DNMT3A: variants seen among roughly 807,000 people sequenced by gnomAD.
The protein encoded by DNMT3A is DNA methyltransferase 3 alpha, also known as DNA (cytosine-5)-methyltransferase 3A.
Under a neutral mutation model 117.6 loss-of-function variants are expected in DNMT3A, and 267 were observed. That is an observed-to-expected ratio of 2.27 (90% CI 2.05 to 2.51). DNMT3A has a LOEUF of 2.51. DNMT3A is among the 30% of genes most tolerant of loss of function. The pLI, the probability that DNMT3A is intolerant of heterozygous loss-of-function variation, is 0.00. For missense variants in DNMT3A, 1,029 were observed against 1,260.2 expected, an observed-to-expected ratio of 0.82 and a Z score of 2.78; for synonymous variants, 432 against 474.8, an observed-to-expected ratio of 0.91 and a Z score of 1.17.
At chr2:25,292,565 C>T (rs186264951) in intron 3 of DNMT3A, among the ~76,000 whole-genome samples, 1 of 152,202 alleles carries the variant, frequency 6.6e-6, no homozygotes, top group African/African-American at 2.4e-5. Flanking sequence ...TCCCTCTGCC[C>T]CCCAGCTGTG....
At chr2:25,244,499 G>A (rs777613928) in intron 14 of DNMT3A, 41 bp downstream of exon 14, 9 of 1,607,480 alleles carry the variant, frequency 5.6e-6, no homozygotes, top group Admixed American at 5.0e-5. Context: ...GGGAGCCTGG[G>A]GCCCAGCTAA....
intron 6 of DNMT3A, among the ~76,000 whole-genome samples, chr2:25,269,261 A>T (rs1345703004): frequency 6.6e-6 from 1 of 152,186 alleles, no homozygotes; most frequent in Non-Finnish European, 1.5e-5. Flanking sequence ...TGGGAGGTGG[A>T]GGTTGCAGTG....
intron 1 of DNMT3A, among the ~76,000 whole-genome samples, chr2:25,332,288 T>G (rs1320281712): frequency 6.6e-6 from 1 of 152,168 alleles, no homozygotes; most frequent in Non-Finnish European, 1.5e-5. Context: ...GAAAGTGCCG[T>G]CGTCCACCTA....
chr2:25,244,632 C>CG lies in DNMT3A; in HGVS notation c.1574dup (p.Tyr526ValfsTer20). 6.2e-7 allele frequency: 1 copy of CG among 1,614,148 alleles called. No homozygotes were observed. ...GGTAGCCGTCGTCGTCGTACTGGTA[C>CG]GCACACTCCAGAAAGCAGTTCTAGA... is the stretch of plus-strand genomic sequence containing the variant. On this transcript the variant is annotated frameshift_variant, in exon 14 of 23. Transcript: ENST00000321117. LOFTEE classifies it high-confidence loss of function.
At position 25,311,388 on chromosome 2, in the gene DNMT3A, C is replaced by T. The variant is rs568004088; in HGVS notation, c.72+2525G>A. Reference sequence around the variant, plus strand: ...GTGGCTGTCAGTGTCTCTCCCCACCCTCCCTGGGCGGCTCCCTGGAGGTGC... The same window carrying T: ...GTGGCTGTCAGTGTCTCTCCCCACCTTCCCTGGGCGGCTCCCTGGAGGTGC... On this transcript the variant is annotated intron_variant, in intron 2 of 22. Transcript: ENST00000321117. The surrounding 1 kb of genome is among the most constrained non-coding windows in gnomAD (Gnocchi z 5.2). Among the ~76,000 whole-genome samples, 13 of 152,334 alleles carry T rather than the reference C, an allele frequency of 8.5e-5. No individual in the cohort carries two copies. The highest frequency in any genetic ancestry group is 6.8e-3 in the Middle Eastern group (2 of 294).
At chr2:25,276,913 C>T (rs1278264451) in intron 4 of DNMT3A, among the ~76,000 whole-genome samples, 1 of 152,252 alleles carries the variant, frequency 6.6e-6, no homozygotes, top group Non-Finnish European at 1.5e-5. Context: ...GTCCTCAGCC[C>T]GGGAGGCCAC....
chr2:25,314,196 C>A, intron 1 of DNMT3A, 35 bp from the exon 2 acceptor site: 1 of 1,407,498 alleles, frequency 7.1e-7, no homozygotes, highest in East Asian at 2.7e-5. Context: ...TGGGGCGGAG[C>A]ACCCCACCCT....
chr2:25,272,655 G>A (rs966949439), intron 6 of DNMT3A, among the ~76,000 whole-genome samples: 35 of 152,134 alleles, frequency 2.3e-4, no homozygotes, highest in African/African-American at 6.8e-4. Flanking sequence ...AACATTCCAC[G>A]CACAGGGGTA....
At chr2:25,314,295 G>T in intron 1 of DNMT3A, 134 bp from the exon 2 acceptor site, 1 of 1,204,958 alleles carries the variant, frequency 8.3e-7, no homozygotes, top group Non-Finnish European at 1.0e-6. Flanking sequence ...GCACCCCAGA[G>T]AGCAGAGAAA....
At chr2:25,328,991 C>A (rs966217541) in intron 1 of DNMT3A, among the ~76,000 whole-genome samples, 1 of 152,206 alleles carries the variant, frequency 6.6e-6, no homozygotes. Context: ...CCAGCTCCCT[C>A]TTGGGTCAAA....
intron 6 of DNMT3A, chr2:25,249,813 G>A (rs1675293163): frequency 6.9e-7 from 1 of 1,456,316 alleles, no homozygotes. Flanking sequence ...CTGACTTCAA[G>A]GCTTTGCACC....
intron 2 of DNMT3A, among the ~76,000 whole-genome samples, chr2:25,302,025 G>A (rs1339358865): frequency 6.6e-6 from 1 of 152,158 alleles, no homozygotes; most frequent in Non-Finnish European, 1.5e-5. Context: ...AGCATCCCTG[G>A]CCCCTCCATC....
rs186722501 is a variant in DNMT3A, at chr2:25,298,366, C to T, written c.177+1773G>A. 6.6e-6 allele frequency among the ~76,000 whole-genome samples: 1 copy of T among 152,302 alleles called. No individual in the cohort carries two copies. The highest frequency in any genetic ancestry group is 1.5e-5 in the Non-Finnish European group (1 of 68,030). On this transcript the variant is annotated intron_variant, in intron 3 of 22. Transcript: ENST00000321117. This position sits in a 1 kb window ranked among gnomAD's most constrained non-coding sequence, Gnocchi z 4.3. ...CACTCCTGTCCCTGACTTCCTTGTA[C>T]CTTTTCACCCGAGTGCTTCACTCCA...
Position 25,326,812 on chromosome 2 carries a change from G to C in DNMT3A, c.-177-12651C>G, listed in dbSNP as rs114036430. Among the ~76,000 whole-genome samples, 1,368 of 152,310 alleles carry C rather than the reference G, an allele frequency of 9.0e-3. 27 individuals are homozygous for C. The highest frequency in any genetic ancestry group is 0.031 in the African/African-American group (1,300 of 41,570). On this transcript the variant is annotated intron_variant, in intron 1 of 22. Transcript: ENST00000321117. Reference sequence around the variant, plus strand: ...AGGAGTGCCAGGCTGTTGCAATGCAGACAGCTTCTCCAGCACCTGGCTCCA... The same window carrying C: ...AGGAGTGCCAGGCTGTTGCAATGCACACAGCTTCTCCAGCACCTGGCTCCA...
rs1414023141 is a variant in DNMT3A, at chr2:25,234,524, G to A, written c.2598-104C>T. The A allele has an allele frequency of 8.1e-6, 11 of 1,354,708 alleles. No individual in the cohort carries two copies. The highest frequency in any genetic ancestry group is 1.1e-5 in the Non-Finnish European group (11 of 1,008,914). 83.9% of individuals were successfully genotyped at this position (1,354,708 alleles called of 1,614,324 possible). A position where few individuals can be genotyped will look rare whatever the true frequency, so the allele number is the denominator to read the frequency against. ...GGACCCGGAGGACCAGCAGCCACCC[G>A]AAGTGCAGGGACAGGGGCACTCACA... On this transcript the variant is annotated intron_variant, in intron 22 of 22. Coordinates refer to ENST00000321117, the MANE Select transcript of DNMT3A (RefSeq NM_022552.5). This position sits in a 1 kb window ranked among gnomAD's most constrained non-coding sequence, Gnocchi z 4.5.
intron 2 of DNMT3A, among the ~76,000 whole-genome samples, chr2:25,313,540 TGAGA>T (rs1469530504): frequency 3.9e-5 from 6 of 152,092 alleles, no homozygotes; most frequent in Non-Finnish European, 7.4e-5. Flanking sequence ...CAGAGGCAGC[TGAGA>T]GAGAAAGTGA....
intron 1 of DNMT3A, chr2:25,314,514 G>T: frequency 1.0e-6 from 1 of 981,810 alleles, no homozygotes; most frequent in Non-Finnish European, 1.2e-6. Context: ...ACCAGCCCCT[G>T]GGAAATCCCA....
At chr2:25,273,960 G>T (rs72810063) in intron 6 of DNMT3A, among the ~76,000 whole-genome samples, 1 of 152,112 alleles carries the variant, frequency 6.6e-6, no homozygotes, top group African/African-American at 2.4e-5. Context: ...CTGAGACTTC[G>T]TCTCTCCTCC....
rs751994323 is a variant in DNMT3A, at chr2:25,306,084, C to T, written c.73-5841G>A. Among the ~76,000 whole-genome samples the T allele has an allele frequency of 1.3e-5, 2 of 152,202 alleles. No individual in the cohort carries two copies. The highest frequency in any genetic ancestry group is 2.9e-5 in the Non-Finnish European group (2 of 68,030). Reference sequence around the variant, plus strand: ...TCTGTGGTCATGGAATTCAGTGAAACGAATTGGCTTCTGCAAGAGGCAGAG... The same window carrying T: ...TCTGTGGTCATGGAATTCAGTGAAATGAATTGGCTTCTGCAAGAGGCAGAG... On this transcript the variant is annotated intron_variant, in intron 2 of 22. Coordinates refer to ENST00000321117, the MANE Select transcript of DNMT3A (RefSeq NM_022552.5). This position sits in a 1 kb window ranked among gnomAD's most constrained non-coding sequence, Gnocchi z 4.1.
Sources: allele counts gnomAD v4.1 joint callset (sites outside exome capture counted in the v4.1 genomes callset), GRCh38; gene constraint gnomAD v4.1.1; non-coding constraint Gnocchi (gnomAD v3.1); transcripts MANE v1.5; gene names NCBI Gene and HGNC (gene_info 2026-07-23, HGNC 2026-07-21).